SLAIN2: variants seen among roughly 807,000 people sequenced by gnomAD.
SLAIN2 encodes SLAIN family member 2, also known as SLAIN motif-containing protein 2.
A neutral mutation model predicts 56.6 loss-of-function variants in SLAIN2; 31 were observed. That is an observed-to-expected ratio of 0.55 (90% CI 0.41 to 0.74). SLAIN2 has a LOEUF of 0.74. Ranked by LOEUF, SLAIN2 falls within the 30% of genes least tolerant of loss-of-function variation. The probability of loss-of-function intolerance (pLI) is 0.00; values close to 1 mark genes in which losing one functional copy is unlikely to be tolerated. For synonymous variants in SLAIN2, 317 were observed against 284.9 expected (o/e 1.11, Z -1.13); for missense variants, 777 against 754.2 (o/e 1.03, Z -0.35).
intron 1 of SLAIN2, among the ~76,000 whole-genome samples, chr4:48,351,166 G>A (rs1459503817): frequency 6.6e-6 from 1 of 152,202 alleles, no homozygotes; most frequent in Admixed American, 6.5e-5. Flanking sequence ...TTTGAAAAGT[G>A]TGAATGAGAA....
In SLAIN2 at chr4:48,341,600, C is replaced by A; in HGVS notation, c.-140C>A. ...CGCTTTGGAACCCGAGGTGGGGGGA[C>A]CCTGGCGGTGGGGCCTGGTCCTGCT... On this transcript the variant is annotated 5_prime_UTR_variant, in exon 1 of 8. Transcript: ENST00000264313. The A allele has an allele frequency of 7.8e-7, 1 of 1,282,502 alleles. No homozygotes were observed. The highest frequency in any genetic ancestry group is 3.1e-5 in the East Asian group (1 of 32,068). 79.4% of individuals were successfully genotyped at this position (1,282,502 alleles called of 1,614,324 possible).
Position 48,342,054 on chromosome 4 carries a change from G to A in SLAIN2, c.315G>A (p.Leu105=). Residue 105 remains leucine (L), a synonymous_variant, in exon 1 of 8, where the codon TTG becomes TTA. Transcript: ENST00000264313. ...TSLLAAGEGG[L]LDEVEPLRPD... ...TGCTAGCGGCGGGCGAGGGCGGCTTGCTGGACGAGGTGGAGCCGCTGCGGC... is the reference window on the plus strand; with the variant it reads ...TGCTAGCGGCGGGCGAGGGCGGCTTACTGGACGAGGTGGAGCCGCTGCGGC... 1 of 1,391,004 alleles carries A rather than the reference G, an allele frequency of 7.2e-7. No individual in the cohort carries two copies. The highest frequency in any genetic ancestry group is 9.3e-7 in the Non-Finnish European group (1 of 1,080,694). 86.2% of individuals were successfully genotyped at this position (1,391,004 alleles called of 1,614,324 possible).
In SLAIN2 at chr4:48,382,811, G is replaced by T; in HGVS notation, c.1106G>T (p.Arg369Leu). The change falls in exon 5 of 8, where the codon CGG becomes CTG. Residue 369 changes from arginine to leucine, a missense_variant. Arg to Leu is a moderately radical substitution (Grantham distance 102). Transcript: ENST00000264313. ...TCACCTCGTTCACGATCTCCTGCTC[G>T]GGGAATAGAATATAGTAGAGTGTCC... Reference protein sequence around the residue: ...RNSPRSRSPARGIEYSRVSPQ... With the variant: ...RNSPRSRSPALGIEYSRVSPQ... 1 of 1,613,672 alleles carries T rather than the reference G, an allele frequency of 6.2e-7. No individual in the cohort carries two copies. The highest frequency in any genetic ancestry group is 8.5e-7 in the Non-Finnish European group (1 of 1,179,842).
intron 4 of SLAIN2, among the ~76,000 whole-genome samples, chr4:48,382,103 C>T (rs751839383): frequency 1.3e-5 from 2 of 152,156 alleles, no homozygotes; most frequent in Non-Finnish European, 2.9e-5. Flanking sequence ...TTAGAAGTTT[C>T]TTTGGTACTT....
intron 1 of SLAIN2, among the ~76,000 whole-genome samples, chr4:48,350,045 A>G (rs1444858140): frequency 6.6e-6 from 1 of 152,256 alleles, no homozygotes; most frequent in Non-Finnish European, 1.5e-5. Flanking sequence ...TTAACTTTAC[A>G]CTTAAAAAAT....
rs761272695 is a variant in SLAIN2 at position 48,342,711 on chromosome 4, C to CTTTTTTTT, written c.389+600_389+607dup. On this transcript the variant is annotated intron_variant, in intron 1 of 7. Transcript: ENST00000264313. ...GAAGAGAGGGCAGAGGATGGTGCTG[C>CTTTTTTTT]TTTTTTTTTTTTTTTTTTTTTTTTG... 4.5e-3 allele frequency among the ~76,000 whole-genome samples: 297 copies of CTTTTTTTT among 65,938 alleles called. 59 individuals are homozygous for CTTTTTTTT. Among genetic ancestry groups the CTTTTTTTT allele is most frequent in the African/African-American group, 7.8e-3 (124 of 15,980 alleles). The allele number at this position is 65,938 out of a possible 152,430, so 43.3% of individuals were successfully genotyped here.
intron 6 of SLAIN2, 80 bp from the exon 7 acceptor site, chr4:48,420,045 T>A: frequency 7.3e-7 from 1 of 1,370,822 alleles, no homozygotes; most frequent in South Asian, 1.3e-5. Context: ...TAGTGCCCAA[T>A]CATCAGTTGT....
chr4:48,372,762 A>G (rs1225123316), intron 2 of SLAIN2, among the ~76,000 whole-genome samples: 1 of 152,234 alleles, frequency 6.6e-6, no homozygotes, highest in Non-Finnish European at 1.5e-5. Context: ...TATTCATAGA[A>G]CAATAGCTAC....
At chr4:48,401,346 G>A (rs1456865860) in intron 6 of SLAIN2, among the ~76,000 whole-genome samples, 7 of 152,052 alleles carry the variant, frequency 4.6e-5, no homozygotes, top group Non-Finnish European at 8.8e-5. Flanking sequence ...TTTCTGTCTC[G>A]ATGTTCTGTC....
intron 2 of SLAIN2, among the ~76,000 whole-genome samples, chr4:48,370,495 G>T (rs1203255037): frequency 1.3e-5 from 2 of 152,242 alleles, no homozygotes; most frequent in Non-Finnish European, 2.9e-5. Context: ...TCAGGGTTAA[G>T]TGTTATGTGA....
chr4:48,354,989 T>C (rs2109738715), intron 1 of SLAIN2, among the ~76,000 whole-genome samples: 2 of 152,026 alleles, frequency 1.3e-5, no homozygotes, highest in Middle Eastern at 6.8e-3. Flanking sequence ...AACCTCCGCC[T>C]CCCGATTTCA....
At chr4:48,364,938 T>G (rs142604006) in intron 1 of SLAIN2, among the ~76,000 whole-genome samples, 34 of 151,796 alleles carry the variant, frequency 2.2e-4, no homozygotes, top group Middle Eastern at 3.4e-3. Flanking sequence ...TTCAGTCTCT[T>G]TTATAAGTCT....
chr4:48,358,213 T>C (rs1005848494), intron 1 of SLAIN2, among the ~76,000 whole-genome samples: 4 of 152,166 alleles, frequency 2.6e-5, no homozygotes, highest in Non-Finnish European at 4.4e-5. Context: ...AATTTTGTAA[T>C]GAAGATTGAA....
In SLAIN2 at chr4:48,354,477, T is replaced by C. The variant is rs370446655; in HGVS notation, c.389+12349T>C. 9.2e-3 allele frequency among the ~76,000 whole-genome samples: 1,219 copies of C among 133,176 alleles called. 15 individuals carry two copies. Among genetic ancestry groups the C allele is most frequent in the African/African-American group, 0.03 (1,125 of 37,638 alleles). 87.4% of individuals were successfully genotyped at this position (133,176 alleles called of 152,430 possible). On this transcript the variant is annotated intron_variant, in intron 1 of 7. Coordinates refer to ENST00000264313, the MANE Select transcript of SLAIN2 (RefSeq NM_020846.2). ...TAATTGTTACGGATATTTTTTTTTTTCCCCCCTCAGGCTGAGTCTCGCTGT... is the reference window on the plus strand; with the variant it reads ...TAATTGTTACGGATATTTTTTTTTTCCCCCCCTCAGGCTGAGTCTCGCTGT...
intron 6 of SLAIN2, among the ~76,000 whole-genome samples, chr4:48,397,007 A>G (rs899534532): frequency 3.9e-5 from 6 of 152,164 alleles, no homozygotes; most frequent in East Asian, 1.9e-4. Context: ...TCTTCAGCCT[A>G]TCCCACTCTG....
chr4:48,420,490 G>A (rs1451095702), intron 7 of SLAIN2, 47 bp downstream of exon 7: 4 of 1,591,110 alleles, frequency 2.5e-6, no homozygotes, highest in East Asian at 2.2e-5. Context: ...GCCTGAAAGT[G>A]GATAGACTGG....
intron 6 of SLAIN2, among the ~76,000 whole-genome samples, chr4:48,386,655 G>A (rs1336697699): frequency 1.3e-5 from 2 of 152,128 alleles, no homozygotes; most frequent in African/African-American, 4.8e-5. Flanking sequence ...TGTGAACTCT[G>A]TAACTGAGAG....
At chr4:48,391,476 G>A (rs1465925025) in intron 6 of SLAIN2, among the ~76,000 whole-genome samples, 1 of 152,170 alleles carries the variant, frequency 6.6e-6, no homozygotes, top group Admixed American at 6.6e-5. Flanking sequence ...AGGGAGGAGT[G>A]CTTTTATAAC....
intron 6 of SLAIN2, among the ~76,000 whole-genome samples, chr4:48,396,901 A>G (rs527983399): frequency 6.6e-6 from 1 of 152,236 alleles, no homozygotes; most frequent in African/African-American, 2.4e-5. Flanking sequence ...CAGTCACTCC[A>G]TAAATATTTG....
Sources: allele counts gnomAD v4.1 joint callset (sites outside exome capture counted in the v4.1 genomes callset), GRCh38; gene constraint gnomAD v4.1.1; transcripts MANE v1.5; gene names NCBI Gene and HGNC (gene_info 2026-07-23, HGNC 2026-07-21).